SLC8A1: variants seen among roughly 807,000 people sequenced by gnomAD.
The protein encoded by SLC8A1 is solute carrier family 8 member A1, also known as sodium/calcium exchanger 1.
Under a neutral mutation model 68.3 loss-of-function variants are expected in SLC8A1, and 18 were observed. The ratio of observed to expected loss-of-function variants is 0.26; its 90% confidence interval spans 0.18 to 0.39. The LOEUF (loss-of-function observed/expected upper bound fraction) is 0.39, where lower values mean the gene tolerates loss of function less well. Ranked by LOEUF, SLC8A1 falls within the 10% of genes least tolerant of loss-of-function variation. SLC8A1 has a pLI of 1.00. For missense variants in SLC8A1, 985 were observed against 1,156.7 expected (o/e 0.85, Z 2.15); for synonymous variants, 475 against 415.5 (o/e 1.14, Z -1.74).
intron 1 of SLC8A1, among the ~76,000 whole-genome samples, chr2:40,501,932 T>G (rs2149937057): frequency 6.6e-6 from 1 of 152,058 alleles, no homozygotes; most frequent in East Asian, 1.9e-4. Flanking sequence ...TACTCAGATG[T>G]ACTCTGCACC....
At chr2:40,332,483 T>A (rs952738006) in intron 2 of SLC8A1, among the ~76,000 whole-genome samples, 5 of 152,086 alleles carry the variant, frequency 3.3e-5, no homozygotes, top group African/African-American at 1.2e-4. Context: ...ATCCCGTGAG[T>A]TCATTTTAAT....
At chr2:40,330,948 T>C (rs944599365) in intron 2 of SLC8A1, among the ~76,000 whole-genome samples, 13 of 152,130 alleles carry the variant, frequency 8.5e-5, no homozygotes, top group African/African-American at 2.4e-4. Context: ...ACATACAAAA[T>C]TGAATGAATA....
intron 1 of SLC8A1, among the ~76,000 whole-genome samples, chr2:40,484,746 A>T (rs1162629703): frequency 6.6e-6 from 1 of 152,232 alleles, no homozygotes; most frequent in Non-Finnish European, 1.5e-5. Flanking sequence ...CTGCAGGCAC[A>T]TTCCAAGGAT....
intron 2 of SLC8A1, among the ~76,000 whole-genome samples, chr2:40,394,192 A>T (rs978297708): frequency 9.9e-5 from 15 of 152,122 alleles, no homozygotes; most frequent in East Asian, 1.9e-4. Flanking sequence ...GCTTAAGTTG[A>T]GAAACCCTGC....
intron 2 of SLC8A1, among the ~76,000 whole-genome samples, chr2:40,262,509 AT>A (rs2064846451): frequency 6.6e-6 from 1 of 152,190 alleles, no homozygotes; most frequent in African/African-American, 2.4e-5. Context: ...AATGAGCGAA[AT>A]TCTAACATTT....
intron 2 of SLC8A1, among the ~76,000 whole-genome samples, chr2:40,188,180 T>C (rs1047836170): frequency 1.3e-5 from 2 of 152,206 alleles, no homozygotes; most frequent in African/African-American, 2.4e-5. Flanking sequence ...TGGCAGATTC[T>C]TGGCATCGTC....
At chr2:40,481,785 G>A (rs952551796) in intron 1 of SLC8A1, among the ~76,000 whole-genome samples, 5 of 152,048 alleles carry the variant, frequency 3.3e-5, no homozygotes, top group African/African-American at 7.2e-5. Flanking sequence ...TGTCTCCATC[G>A]TTTCTGTCTC....
intron 7 of SLC8A1, among the ~76,000 whole-genome samples, chr2:40,137,130 C>T (rs1355494398): frequency 6.6e-6 from 1 of 152,108 alleles, no homozygotes; most frequent in African/African-American, 2.4e-5. Flanking sequence ...TGCTGTAATC[C>T]ATAATTCATA....
At chr2:40,260,729 A>T (rs1021354079) in intron 2 of SLC8A1, among the ~76,000 whole-genome samples, 18 of 152,020 alleles carry the variant, frequency 1.2e-4, no homozygotes, top group Admixed American at 5.9e-4. Context: ...AAGATAAGAA[A>T]ATGTGTATGT....
intron 2 of SLC8A1, among the ~76,000 whole-genome samples, chr2:40,328,803 T>C (rs192302867): frequency 2.0e-5 from 3 of 152,214 alleles, no homozygotes; most frequent in Non-Finnish European, 2.9e-5. Context: ...GATCAAAATC[T>C]CCCACCTGGA....
chr2:40,390,577 A>T (rs771970895), intron 2 of SLC8A1, among the ~76,000 whole-genome samples: 10 of 152,010 alleles, frequency 6.6e-5, no homozygotes, highest in Non-Finnish European at 1.5e-4. Flanking sequence ...AGCAATCTGT[A>T]TTTTAACAAA....
chr2:40,143,811 C>T (rs1167394545), intron 6 of SLC8A1, among the ~76,000 whole-genome samples: 1 of 152,140 alleles, frequency 6.6e-6, no homozygotes, highest in Non-Finnish European at 1.5e-5. Context: ...ACGTGTCTCT[C>T]TACCTGCTCA....
At chr2:40,173,093 A>C (rs557412125) in intron 4 of SLC8A1, among the ~76,000 whole-genome samples, 3 of 152,292 alleles carry the variant, frequency 2.0e-5, no homozygotes, top group Non-Finnish European at 4.4e-5. Flanking sequence ...GTGCTGTTGG[A>C]TAGTACACTA....
At chr2:40,115,067 T>A (rs1351222174) in exon 8 of SLC8A1, 2 of 345,520 alleles carry the variant, frequency 5.8e-6, no homozygotes, top group Non-Finnish European at 1.0e-5. Flanking sequence ...TTGTTGAACA[T>A]GATGATGCCC....
rs560295627 is a variant in SLC8A1 at position 40,413,347 on chromosome 2, TA to T, written c.1808+15125del. ...ATTCACAATAGCAAAGACTTGGAAC[TA>T]ACCCAAATGTCCAACAATGATAGAC... On this transcript the variant is annotated intron_variant, in intron 2 of 7. Transcript: ENST00000406785. Among the ~76,000 whole-genome samples, 22 of 152,212 alleles carry T rather than the reference TA, an allele frequency of 1.4e-4. No homozygotes were observed. In the South Asian group the frequency reaches 3.7e-3, roughly 26 times the overall value.
At chr2:40,412,950 G>A (rs1031992435) in intron 2 of SLC8A1, among the ~76,000 whole-genome samples, 7 of 152,038 alleles carry the variant, frequency 4.6e-5, no homozygotes, top group East Asian at 1.9e-4. Context: ...TGTGCACAAC[G>A]TGCAGGTTTG....
chr2:40,460,587 T>A (rs1271047148), intron 1 of SLC8A1, among the ~76,000 whole-genome samples: 1 of 151,908 alleles, frequency 6.6e-6, no homozygotes, highest in Non-Finnish European at 1.5e-5. Flanking sequence ...TTTAATTTTT[T>A]TTTTTTTTTT....
rs542512164 is a variant in SLC8A1, at chr2:40,292,589, G to A, written c.1809-114734C>T. On this transcript the variant is annotated intron_variant, in intron 2 of 7. Transcript: ENST00000406785. ...TCATTTCAGAATATAATACAGTGTG[G>A]ATTGAAGACCTAATGGAGAGAAGTG... Among the ~76,000 whole-genome samples the A allele has an allele frequency of 8.5e-5, 13 of 152,300 alleles. 1 individual carries two copies. In the South Asian group the frequency reaches 2.7e-3, roughly 32 times the overall value.
chr2:40,408,074 C>A (rs1051271419), intron 2 of SLC8A1, among the ~76,000 whole-genome samples: 3 of 152,172 alleles, frequency 2.0e-5, no homozygotes, highest in Non-Finnish European at 2.9e-5. Context: ...TTCCAGCATG[C>A]CAGAATGTCA....
Sources: allele counts gnomAD v4.1 joint callset (sites outside exome capture counted in the v4.1 genomes callset), GRCh38; gene constraint gnomAD v4.1.1; transcripts MANE v1.5; gene names NCBI Gene and HGNC (gene_info 2026-07-23, HGNC 2026-07-21).